EXD1: variants seen among roughly 807,000 people sequenced by gnomAD.
EXD1 encodes exonuclease 3'-5' domain containing 1, also known as piRNA biogenesis protein EXD1.
EXD1 carries 63 observed loss-of-function variants against 49.1 expected under a neutral mutation model. The ratio of observed to expected loss-of-function variants is 1.28; its 90% confidence interval spans 1.05 to 1.58. EXD1 has a LOEUF of 1.58. EXD1 is among the 40% of genes most tolerant of loss of function. The pLI is 0.00. For synonymous variants in EXD1, 234 were observed against 239.2 expected (o/e 0.98, Z 0.20); for missense variants, 748 against 666.0 (o/e 1.12, Z -1.36).
Position 41,191,816 on chromosome 15 carries a change from G to A in EXD1, c.721-231C>T, listed in dbSNP as rs181279422. The A allele has an allele frequency of 7.0e-4, 300 of 427,402 alleles. 2 individuals carry two copies. The highest frequency in any genetic ancestry group is 5.9e-3 in the African/African-American group (289 of 49,278). The allele number at this position is 427,402 out of a possible 1,614,324, so 26.5% of individuals were successfully genotyped here. On this transcript the variant is annotated intron_variant, in intron 9 of 11. Coordinates refer to ENST00000458580, the MANE Select transcript of EXD1 (RefSeq NM_001286441.2). The stretch of plus-strand genomic sequence containing the variant: ...TTTTGAGGTGGAGTCTCGCTCTGTC[G>A]CTCAGGCTGGAGTGCAGTGGCATGA...
intron 7 of EXD1, among the ~76,000 whole-genome samples, chr15:41,198,687 T>C (rs2046654954): frequency 6.8e-6 from 1 of 147,988 alleles, no homozygotes; most frequent in South Asian, 2.2e-4. Flanking sequence ...AGACTCTCTT[T>C]TTATTTTTTA....
At chr15:41,226,771 G>A (rs778775022) in intron 1 of EXD1, 143 bp from the exon 2 acceptor site, 6 of 690,958 alleles carry the variant, frequency 8.7e-6, no homozygotes, top group Non-Finnish European at 1.3e-5. Flanking sequence ...ATGAGAAAAG[G>A]ATCATTGCAA....
chr15:41,211,447 C>CA (rs1375649676), intron 6 of EXD1, among the ~76,000 whole-genome samples: 2 of 151,662 alleles, frequency 1.3e-5, no homozygotes, highest in African/African-American at 4.8e-5. Context: ...TTATTGTTGT[C>CA]ACGGACACTT....
Position 41,184,082 on chromosome 15 carries a change from G to A in EXD1, c.1568C>T (p.Ala523Val). 1.9e-6 allele frequency: 3 copies of A among 1,614,186 alleles called. No homozygotes were observed. Among genetic ancestry groups the A allele is most frequent in the Non-Finnish European group, 2.5e-6 (3 of 1,180,032 alleles). Residue 523 changes from alanine (A) to valine (V), a missense_variant, in exon 12 of 12, where the codon GCT becomes GTT. By Grantham distance (64) the Ala-to-Val change is moderately conservative (BLOSUM62 0). Coordinates refer to ENST00000458580, the MANE Select transcript of EXD1 (RefSeq NM_001286441.2). Reference protein sequence around the residue: ...NKEDLKCTKQAVSMSSFPQET... With the variant: ...NKEDLKCTKQVVSMSSFPQET... ...CTGAGGAAAGGAAGACATTGAAACA[G>A]CCTGTTTTGTGCATTTTAAATCTTC...
chr15:41,222,451 A>G (rs903597550), intron 2 of EXD1, among the ~76,000 whole-genome samples: 2 of 152,102 alleles, frequency 1.3e-5, no homozygotes, highest in Non-Finnish European at 2.9e-5. Flanking sequence ...AACCAGATGG[A>G]GTTCCATCAC....
At chr15:41,189,892 T>C (rs1425684753) in intron 11 of EXD1, 45 bp downstream of exon 11, 3 of 1,572,114 alleles carry the variant, frequency 1.9e-6, no homozygotes, top group South Asian at 1.1e-5. Flanking sequence ...CTGCCTTCCT[T>C]GAGAAGGCAG....
intron 7 of EXD1, 51 bp from the exon 8 acceptor site, chr15:41,196,088 G>T (rs747795366): frequency 1.4e-6 from 2 of 1,383,512 alleles, no homozygotes; most frequent in Non-Finnish European, 2.0e-6. Context: ...AAGAACTGAG[G>T]AAGGGAAATT....
chr15:41,229,113 G>A (rs1210702077), intron 1 of EXD1, among the ~76,000 whole-genome samples: 2 of 152,112 alleles, frequency 1.3e-5, no homozygotes, highest in Non-Finnish European at 2.9e-5. Flanking sequence ...GCTCTTAGAC[G>A]GGCATATCCA....
rs2047003434 is a variant in EXD1 at position 41,216,684 on chromosome 15, G to A, written c.372C>T (p.Leu124=). The A allele has an allele frequency of 6.2e-7, 1 of 1,612,970 alleles. No individual in the cohort carries two copies. Residue 124 remains leucine, a synonymous_variant, in exon 5 of 12, where the codon CTC becomes CTT. Coordinates refer to ENST00000458580, the MANE Select transcript of EXD1 (RefSeq NM_001286441.2). ...TATATTCACCTGATGGGCTGTACTT[G>A]AGGTCATTCAGCAGAGAGGTAGCTG... ...EAPATSLLND[L]KYSPSEEEEV...
chr15:41,223,219 G>C (rs1301991781), intron 2 of EXD1, among the ~76,000 whole-genome samples: 1 of 152,078 alleles, frequency 6.6e-6, no homozygotes, highest in Non-Finnish European at 1.5e-5. Flanking sequence ...AGGAGTTCAA[G>C]ACCAGCCTGA....
chr15:41,193,156 A>T (rs1202963444), intron 9 of EXD1, among the ~76,000 whole-genome samples: 3 of 151,460 alleles, frequency 2.0e-5, no homozygotes, highest in African/African-American at 2.4e-5. Context: ...GGGCTCAAGC[A>T]ATCCTCCTGT....
At chr15:41,222,268 T>C (rs996356643) in intron 2 of EXD1, among the ~76,000 whole-genome samples, 2 of 152,048 alleles carry the variant, frequency 1.3e-5, no homozygotes, top group African/African-American at 4.8e-5. Flanking sequence ...ATACAAAAAT[T>C]AGCTGGGTGC....
chr15:41,207,287 A>T (rs1453542801), intron 7 of EXD1, among the ~76,000 whole-genome samples: 1 of 149,480 alleles, frequency 6.7e-6, no homozygotes, highest in African/African-American at 2.5e-5. Flanking sequence ...CATGCCTGTA[A>T]TCCCAGCACT....
chr15:41,209,846 A>C (rs1182158799), intron 6 of EXD1, among the ~76,000 whole-genome samples: 1 of 152,184 alleles, frequency 6.6e-6, no homozygotes, highest in Non-Finnish European at 1.5e-5. Context: ...AAATGACAAT[A>C]AGAGTTGAGA....
At chr15:41,212,972 T>G (rs2046943690) in intron 6 of EXD1, among the ~76,000 whole-genome samples, 1 of 151,708 alleles carries the variant, frequency 6.6e-6, no homozygotes, top group South Asian at 2.1e-4. Context: ...GCCCAGGAGG[T>G]CCAGGCTGCA....
intron 7 of EXD1, among the ~76,000 whole-genome samples, chr15:41,203,931 A>AAAAAAC (rs2046775596): frequency 6.8e-6 from 1 of 146,564 alleles, no homozygotes; most frequent in African/African-American, 2.5e-5. Context: ...AAAAAAAAAA[A>AAAAAAC]AAAAAAAAAA....
Position 41,214,494 on chromosome 15 carries a change from CA to C in EXD1, c.447+1280del, listed in dbSNP as rs1219143857. Among the ~76,000 whole-genome samples, 4 of 148,378 alleles carry C rather than the reference CA, an allele frequency of 2.7e-5. No homozygotes were observed. In the East Asian group the frequency reaches 8.0e-4, roughly 30 times the overall value. On this transcript the variant is annotated intron_variant, in intron 6 of 11. Transcript: ENST00000458580. ...CCCCACCGAACTCCAGCCTGGGCCACAAGGCGAGACTCCATCTCAAAAAAAA... is the reference window on the plus strand; with the variant it reads ...CCCCACCGAACTCCAGCCTGGGCCACAGGCGAGACTCCATCTCAAAAAAAA...
chr15:41,225,673 C>T (rs547974032), intron 2 of EXD1, among the ~76,000 whole-genome samples: 3 of 149,660 alleles, frequency 2.0e-5, no homozygotes, highest in South Asian at 4.3e-4. Context: ...ACCTGAGGTC[C>T]GGAGTTTGAG....
intron 7 of EXD1, among the ~76,000 whole-genome samples, chr15:41,201,740 G>A (rs1038710183): frequency 6.6e-6 from 1 of 151,922 alleles, no homozygotes; most frequent in Non-Finnish European, 1.5e-5. Flanking sequence ...CGCCTGCCTC[G>A]GCCTTCCAAA....
Sources: gnomAD v4.1 joint callset for allele counts (sites outside exome capture counted in the v4.1 genomes callset) on GRCh38, gnomAD v4.1.1 for gene constraint, MANE v1.5 for transcripts, NCBI Gene and HGNC (gene_info 2026-07-23, HGNC 2026-07-21) for gene names.